The following EBF1 variants were observed in gnomAD, a reference collection of about 807,000 sequenced individuals.
EBF1 encodes the protein transcription factor COE1.
Under a neutral mutation model 68.4 loss-of-function variants are expected in EBF1, and 10 were observed. The ratio of observed to expected loss-of-function variants is 0.15; its 90% CI spans 0.09 to 0.25. The LOEUF (loss-of-function observed/expected upper bound fraction) is 0.25. EBF1 is among the 10% of genes least tolerant of loss of function. The probability of loss-of-function intolerance (pLI) is 1.00; values close to 1 mark genes in which losing one functional copy is unlikely to be tolerated. For missense variants in EBF1, 509 were observed against 794.4 expected (o/e 0.64, Z 4.32); for synonymous variants, 298 against 299.8 (o/e 0.99, Z 0.06).
chr5:158,930,959 C>G (rs1361373865), intron 6 of EBF1, among the ~76,000 whole-genome samples: 2 of 151,614 alleles, frequency 1.3e-5, no homozygotes, highest in African/African-American at 2.4e-5. Flanking sequence ...CAGCCTGTTT[C>G]TTTGCAAATG....
intron 6 of EBF1, among the ~76,000 whole-genome samples, chr5:158,921,615 G>A (rs1372503761): frequency 6.6e-6 from 1 of 152,176 alleles, no homozygotes; most frequent in Non-Finnish European, 1.5e-5. Context: ...ATTGCACTGG[G>A]CTGTGTTAGC....
chr5:158,929,057 A>G (rs1451033264), intron 6 of EBF1, among the ~76,000 whole-genome samples: 1 of 152,168 alleles, frequency 6.6e-6, no homozygotes, highest in Non-Finnish European at 1.5e-5. Flanking sequence ...ATAAACATCC[A>G]TTTTCGAAAA....
intron 8 of EBF1, among the ~76,000 whole-genome samples, chr5:158,800,627 CCTCCCCTTCT>C (rs1472046812): frequency 2.0e-5 from 3 of 152,134 alleles, no homozygotes; most frequent in African/African-American, 7.2e-5. Context: ...TGACCCTGAG[CCTCCCCTTCT>C]CTCCTCATTT....
intron 15 of EBF1, among the ~76,000 whole-genome samples, chr5:158,702,693 G>A (rs779527325): frequency 4.0e-5 from 5 of 125,484 alleles, no homozygotes; most frequent in South Asian, 2.8e-4. Context: ...GCAGTGAGCC[G>A]AGATCGCGCC....
intron 6 of EBF1, among the ~76,000 whole-genome samples, chr5:159,039,291 T>C (rs1397794008): frequency 1.3e-5 from 2 of 152,238 alleles, no homozygotes; most frequent in Non-Finnish European, 2.9e-5. Context: ...TCCCCTCTCT[T>C]CTACTTTCAG....
chr5:158,737,226 G>A (rs1765367946), intron 10 of EBF1, among the ~76,000 whole-genome samples: 1 of 141,684 alleles, frequency 7.1e-6, no homozygotes, highest in East Asian at 2.2e-4. Context: ...CAATAGAGAA[G>A]CCAGAGGAAA....
intron 7 of EBF1, among the ~76,000 whole-genome samples, chr5:158,829,740 A>T (rs949207484): frequency 2.0e-5 from 3 of 152,172 alleles, no homozygotes; most frequent in Non-Finnish European, 2.9e-5. Flanking sequence ...CAGCTGAACT[A>T]CTTTGCAGAC....
At chr5:158,908,217 G>T (rs1805091478) in intron 6 of EBF1, among the ~76,000 whole-genome samples, 1 of 151,912 alleles carries the variant, frequency 6.6e-6, no homozygotes, top group African/African-American at 2.4e-5. Flanking sequence ...CCAAACTGTT[G>T]GGGAGGGTGT....
chr5:158,812,622 C>G (rs1382758692), intron 8 of EBF1, among the ~76,000 whole-genome samples: 2 of 152,122 alleles, frequency 1.3e-5, no homozygotes, highest in African/African-American at 4.8e-5. Context: ...CCTGCCCCTC[C>G]CCCATGCATC....
At chr5:158,874,710 A>G (rs903989734) in intron 6 of EBF1, among the ~76,000 whole-genome samples, 4 of 152,170 alleles carry the variant, frequency 2.6e-5, no homozygotes, top group African/African-American at 9.7e-5. Context: ...CTCGGCAGGA[A>G]TTATGAGGCT....
At chr5:158,839,985 A>T (rs1789817369) in intron 7 of EBF1, 44 bp downstream of exon 7, 2 of 1,573,488 alleles carry the variant, frequency 1.3e-6, no homozygotes, top group Non-Finnish European at 1.7e-6. Context: ...CTCTCCTGAT[A>T]TTCATGCCAT....
chr5:158,799,498 C>T (rs1780199757), intron 8 of EBF1, among the ~76,000 whole-genome samples: 1 of 152,002 alleles, frequency 6.6e-6, no homozygotes, highest in African/African-American at 2.4e-5. Context: ...GGGATAGTCC[C>T]CATAAATGAA....
chr5:158,885,869 T>C (rs1799934803), intron 6 of EBF1, among the ~76,000 whole-genome samples: 1 of 152,182 alleles, frequency 6.6e-6, no homozygotes, highest in African/African-American at 2.4e-5. Flanking sequence ...CATAGAAAAA[T>C]GTCAGAAAAT....
intron 6 of EBF1, among the ~76,000 whole-genome samples, chr5:158,973,674 C>T (rs1361384131): frequency 6.6e-6 from 1 of 152,198 alleles, no homozygotes; most frequent in Non-Finnish European, 1.5e-5. Flanking sequence ...CATTATACCC[C>T]CAAGTAACTA....
chr5:158,772,307 T>C (rs1282779359), intron 10 of EBF1, among the ~76,000 whole-genome samples: 1 of 152,116 alleles, frequency 6.6e-6, no homozygotes, highest in Non-Finnish European at 1.5e-5. Context: ...TTTCCAAGAA[T>C]GAGAAACAGA....
chr5:158,798,524 C>T (rs563940472), intron 8 of EBF1, among the ~76,000 whole-genome samples: 25 of 152,240 alleles, frequency 1.6e-4, no homozygotes, highest in Admixed American at 1.4e-3. Flanking sequence ...GAGAAACCCT[C>T]CTACAGGAAA....
rs112938933 is a variant in EBF1 at position 158,724,804 on chromosome 5, C to T, written c.1125+6265G>A. On this transcript the variant is annotated intron_variant, in intron 11 of 15. Coordinates refer to ENST00000313708, the MANE Select transcript of EBF1 (RefSeq NM_024007.5). ...TTTACTAAATTATTATTAGATGAGC[C>T]CTTGCTGTTCCAAATGAAAGTGCAG... Among the ~76,000 whole-genome samples the T allele has an allele frequency of 8.6e-3, 1,305 of 152,224 alleles. 28 individuals are homozygous for T. Among genetic ancestry groups the T allele is most frequent in the African/African-American group, 0.03 (1,238 of 41,546 alleles).
At chr5:158,894,467 C>T (rs1416891259) in intron 6 of EBF1, among the ~76,000 whole-genome samples, 2 of 152,070 alleles carry the variant, frequency 1.3e-5, no homozygotes, top group Non-Finnish European at 2.9e-5. Context: ...TTTTCTCCCC[C>T]TTTTTTACTC....
chr5:158,804,071 G>A (rs1264395888), intron 8 of EBF1, among the ~76,000 whole-genome samples: 2 of 148,554 alleles, frequency 1.3e-5, no homozygotes, highest in Non-Finnish European at 3.0e-5. Flanking sequence ...ATTAAATGAG[G>A]AGATTGAGAA....
Sources: gnomAD v4.1 joint callset for allele counts (sites outside exome capture counted in the v4.1 genomes callset) on GRCh38, gnomAD v4.1.1 for gene constraint, MANE v1.5 for transcripts, NCBI Gene and HGNC (gene_info 2026-07-23, HGNC 2026-07-21) for gene names.